The following PDE1C variants were observed in gnomAD, a reference collection of about 807,000 sequenced individuals.
The protein encoded by PDE1C is dual specificity calcium/calmodulin-dependent 3',5'-cyclic nucleotide phosphodiesterase 1C.
A neutral mutation model predicts 93.1 loss-of-function variants in PDE1C; 62 were observed. That is an observed-to-expected ratio of 0.67 (90% CI 0.54 to 0.82). PDE1C has a LOEUF of 0.82. PDE1C is among the 40% of genes least tolerant of loss of function. The pLI is 0.00. For missense variants in PDE1C, 742 were observed against 884.6 expected (o/e 0.84, Z 2.04); for synonymous variants, 325 against 310.1 (o/e 1.05, Z -0.50).
chr7:32,239,704 G>A (rs1469311131), intron 1 of PDE1C, among the ~76,000 whole-genome samples: 1 of 152,200 alleles, frequency 6.6e-6, no homozygotes, highest in Admixed American at 6.5e-5. Flanking sequence ...TTAGAGGACA[G>A]GGAGAGAAAT....
intron 1 of PDE1C, among the ~76,000 whole-genome samples, chr7:32,256,292 T>C (rs1809790216): frequency 1.3e-5 from 2 of 152,098 alleles, no homozygotes; most frequent in East Asian, 1.9e-4. Context: ...TTTCTAAAAG[T>C]TTAGCATAAA....
rs553008847 is a variant in PDE1C at position 32,409,390 on chromosome 7, A to G, written c.310+18432T>C. Among the ~76,000 whole-genome samples, 3 of 152,144 alleles carry G rather than the reference A, an allele frequency of 2.0e-5. No individual in the cohort carries two copies. In the East Asian group the frequency reaches 5.8e-4, roughly 29 times the overall value. On this transcript the variant is annotated intron_variant, in intron 1 of 1. Coordinates refer to the PDE1C transcript ENST00000672256. The stretch of plus-strand genomic sequence containing the variant: ...AAAAGAAAAGAAAAGAGAAAAGAAA[A>G]CTTTTAAGTTATTTTTATGACAGTG...
At chr7:31,695,731 G>T in the PDE1C span, 2 of 1,102,784 alleles carry the variant, frequency 1.8e-6, no homozygotes, top group Non-Finnish European at 2.6e-6. Flanking sequence ...AGTAATTTGT[G>T]CACTCCCCAC....
At chr7:31,943,574 G>C (rs1563074700) in intron 2 of PDE1C, among the ~76,000 whole-genome samples, 1 of 152,172 alleles carries the variant, frequency 6.6e-6, no homozygotes, top group Non-Finnish European at 1.5e-5. Flanking sequence ...GATTAAGGTG[G>C]AAGCAAGTTC....
At chr7:32,416,948 G>A (rs1007940754) in intron 1 of PDE1C, among the ~76,000 whole-genome samples, 5 of 152,136 alleles carry the variant, frequency 3.3e-5, no homozygotes, top group African/African-American at 1.2e-4. Flanking sequence ...GGTCTACAGA[G>A]GCCCAGAGTA....
chr7:32,248,991 G>A (rs950613521), intron 1 of PDE1C, among the ~76,000 whole-genome samples: 2 of 152,038 alleles, frequency 1.3e-5, no homozygotes, highest in Non-Finnish European at 2.9e-5. Flanking sequence ...ATGTAGAAGA[G>A]GGACTAGACA....
intron 1 of PDE1C, among the ~76,000 whole-genome samples, chr7:32,273,731 A>G (rs1811116782): frequency 6.6e-6 from 1 of 152,244 alleles, no homozygotes; most frequent in African/African-American, 2.4e-5. Flanking sequence ...GTGTGTCTAT[A>G]GTCAGCATGA....
chr7:31,822,935 CA>C, intron 14 of PDE1C, 137 bp downstream of exon 14: 1 of 700,910 alleles, frequency 1.4e-6, no homozygotes, highest in Non-Finnish European at 2.4e-6. Flanking sequence ...TTATGAAGAT[CA>C]AAAGATGGTA....
At chr7:31,915,661 C>T (rs1256607717) in intron 2 of PDE1C, among the ~76,000 whole-genome samples, 1 of 152,110 alleles carries the variant, frequency 6.6e-6, no homozygotes, top group Non-Finnish European at 1.5e-5. Flanking sequence ...TATTAGGATC[C>T]ACCACAGAGG....
chr7:32,341,316 C>T (rs146228739), intron 1 of PDE1C, among the ~76,000 whole-genome samples: 10,240 of 147,796 alleles, frequency 0.069, 1,201 homozygotes, highest in African/African-American at 0.24. Flanking sequence ...GCTGGGACTA[C>T]AGGCGCCCGC....
At chr7:31,977,960 C>T (rs1466554224) in intron 2 of PDE1C, among the ~76,000 whole-genome samples, 1 of 152,090 alleles carries the variant, frequency 6.6e-6, no homozygotes, top group Non-Finnish European at 1.5e-5. Context: ...TTTAAATTCT[C>T]CCTAGAACTC....
At chr7:32,250,161 A>ACTGC (rs934192110) in intron 1 of PDE1C, among the ~76,000 whole-genome samples, 1 of 152,180 alleles carries the variant, frequency 6.6e-6, no homozygotes, top group South Asian at 2.1e-4. Flanking sequence ...TTTATTAGAC[A>ACTGC]CTGCCTGCCT....
At chr7:32,093,978 C>A (rs10951319) in intron 3 of PDE1C, among the ~76,000 whole-genome samples, 96,708 of 152,078 alleles carry the variant, frequency 0.64, 31,038 homozygotes, top group African/African-American at 0.7. Flanking sequence ...AGGTTGAATG[C>A]GTCACTGACC....
chr7:32,387,442 T>G (rs1784651658), intron 1 of PDE1C, among the ~76,000 whole-genome samples: 1 of 151,020 alleles, frequency 6.6e-6, no homozygotes, highest in African/African-American at 2.4e-5. Flanking sequence ...CACTTCCCAG[T>G]AGGGGCGGCC....
intron 2 of PDE1C, among the ~76,000 whole-genome samples, chr7:32,179,512 GC>G (rs1803245529): frequency 6.6e-6 from 1 of 152,106 alleles, no homozygotes; most frequent in Admixed American, 6.6e-5. Context: ...GCCTGCCTCG[GC>G]CTACCAAAGT....
the PDE1C span, among the ~76,000 whole-genome samples, chr7:31,693,588 C>T: frequency 1.3e-5 from 2 of 152,116 alleles, no homozygotes; most frequent in Non-Finnish European, 2.9e-5. Context: ...GTAGACTTAG[C>T]ATGAGAACTC....
chr7:31,743,210 T>G, the PDE1C span, among the ~76,000 whole-genome samples: 1 of 152,202 alleles, frequency 6.6e-6, no homozygotes, highest in Non-Finnish European at 1.5e-5. Flanking sequence ...TAAAAACTAT[T>G]TTCATTACAT....
intron 2 of PDE1C, among the ~76,000 whole-genome samples, chr7:31,992,764 ACT>A (rs1584362454): frequency 1.3e-5 from 2 of 151,946 alleles, no homozygotes; most frequent in Non-Finnish European, 2.9e-5. Context: ...AATAAGCATG[ACT>A]CTTTTTTAAA....
chr7:31,893,187 GGAGACGGT>G, intron 2 of PDE1C, among the ~76,000 whole-genome samples: 1 of 152,288 alleles, frequency 6.6e-6, no homozygotes, highest in Middle Eastern at 3.4e-3. Context: ...CACAGGTCAC[GGAGACGGT>G]GTTTTGTTGT....
Sources: gnomAD v4.1 joint callset for allele counts (sites outside exome capture counted in the v4.1 genomes callset) on GRCh38, gnomAD v4.1.1 for gene constraint, MANE v1.5 for transcripts, NCBI Gene and HGNC (gene_info 2026-07-23, HGNC 2026-07-21) for gene names.